LRIT3: variants seen among roughly 807,000 people sequenced by gnomAD.
LRIT3 encodes leucine-rich repeat, immunoglobulin-like domain and transmembrane domain-containing protein 3.
In LRIT3, 14 loss-of-function variants were observed where a neutral mutation model predicts 22.6. That is an observed-to-expected ratio of 0.62 (90% CI 0.41 to 0.97). LRIT3 has a LOEUF of 0.97. LRIT3 is among the 50% of genes least tolerant of loss of function. The pLI is 0.00. For missense variants in LRIT3, 783 were observed against 803.0 expected, an observed-to-expected ratio of 0.98 and a Z score of 0.30; for synonymous variants, 306 against 304.5, an observed-to-expected ratio of 1.01 and a Z score of -0.05.
intron 2 of LRIT3, among the ~76,000 whole-genome samples, chr4:109,854,681 C>T (rs753071241): frequency 2.6e-5 from 4 of 152,114 alleles, no homozygotes; most frequent in Non-Finnish European, 5.9e-5. Flanking sequence ...AGCTTTTGCC[C>T]ATTCAGTATG....
chr4:109,850,178 ATTAT>A (rs1202624747), intron 1 of LRIT3, among the ~76,000 whole-genome samples: 3 of 152,136 alleles, frequency 2.0e-5, no homozygotes, highest in Non-Finnish European at 4.4e-5. Context: ...TTTTATTGTA[ATTAT>A]TTACTAAATT....
Position 109,851,734 on chromosome 4 carries a change from C to A in LRIT3, c.347C>A (p.Ser116Tyr), listed in dbSNP as rs1277106858. ...QLHELRLDGN[S>Y]LAAFPWASLL... is the part of the protein sequence containing the mutation. The stretch of plus-strand genomic sequence containing the variant: ...CATGAGTTGCGCTTGGATGGGAATT[C>A]TCTGGCTGCTTTCCCTTGGGCATCT... Residue 116 changes from serine to tyrosine, a missense_variant, in exon 2 of 4, where the codon TCT becomes TAT. Transcript: ENST00000594814. 1.3e-6 allele frequency: 2 copies of A among 1,551,748 alleles called. No homozygotes were observed. Among genetic ancestry groups the A allele is most frequent in the Non-Finnish European group, 1.7e-6 (2 of 1,147,004 alleles).
Position 109,851,988 on chromosome 4 carries a change from A to G in LRIT3, c.589+12A>G, listed in dbSNP as rs1734285994. 2.0e-6 allele frequency: 3 copies of G among 1,525,546 alleles called. No individual in the cohort carries two copies. The South Asian group carries it at 3.8e-5, about 19-fold the overall frequency. The allele number at this position is 1,525,546 out of a possible 1,614,324, so 94.5% of individuals were successfully genotyped here. On this transcript the variant is annotated intron_variant, in intron 2 of 3. Transcript: ENST00000594814. The stretch of plus-strand genomic sequence containing the variant: ...CAGGATTATTCTTGGTAAGCTCGCA[A>G]GCCTCTGGGCTTTTCATCTATAGTT...
chr4:109,855,003 G>A (rs1170199167), intron 2 of LRIT3, among the ~76,000 whole-genome samples: 4 of 152,144 alleles, frequency 2.6e-5, no homozygotes, highest in Non-Finnish European at 5.9e-5. Context: ...TCATGTCAAT[G>A]TTCATCAGGG....
At chr4:109,853,488 A>C (rs1399391150) in intron 2 of LRIT3, among the ~76,000 whole-genome samples, 2 of 152,088 alleles carry the variant, frequency 1.3e-5, no homozygotes, top group African/African-American at 4.8e-5. Flanking sequence ...TCTGGATATT[A>C]TCCCTTTGTC....
In LRIT3 at chr4:109,869,583, T is replaced by C. The variant is rs1189286140; in HGVS notation, c.896-62T>C. Reference sequence around the variant, plus strand: ...GAGTGGATAGTTGTTTCCTCCTCAGTTGGCATGGTGGCTTGAATTTTCTTT... The same window carrying C: ...GAGTGGATAGTTGTTTCCTCCTCAGCTGGCATGGTGGCTTGAATTTTCTTT... On this transcript the variant is annotated intron_variant, in intron 3 of 3. Coordinates refer to ENST00000594814, the MANE Select transcript of LRIT3 (RefSeq NM_198506.5). The C allele has an allele frequency of 1.4e-5, 20 of 1,470,240 alleles. No homozygotes were observed. The East Asian group carries it at 3.0e-4, about 22-fold the overall frequency. 91.1% of individuals were successfully genotyped at this position (1,470,240 alleles called of 1,614,324 possible). A position where few individuals can be genotyped will look rare whatever the true frequency, so the allele number is the denominator to read the frequency against.
intron 2 of LRIT3, among the ~76,000 whole-genome samples, chr4:109,857,238 T>C (rs1213532044): frequency 6.6e-6 from 1 of 150,972 alleles, no homozygotes; most frequent in Non-Finnish European, 1.5e-5. Context: ...AGATAGTATA[T>C]ATATTTTGGG....
At position 109,871,956 on chromosome 4, in the gene LRIT3, G is replaced by A. The variant is rs144186836; in HGVS notation, c.*1167G>A. The A allele has an allele frequency of 6.6e-6, 1 of 152,066 alleles. No homozygotes were observed. The highest frequency in any genetic ancestry group is 1.5e-5 in the Non-Finnish European group (1 of 68,016). The allele number at this position is 152,066 out of a possible 1,614,324, so 9.4% of individuals were successfully genotyped here. A position where few individuals can be genotyped will look rare whatever the true frequency, so the allele number is the denominator to read the frequency against. ...CTTTAAGATTAACGATAGCGATAAG[G>A]CCCACTCAAGCATCTCACAGTGGTG... On this transcript the variant is annotated 3_prime_UTR_variant, in exon 4 of 4. Transcript: ENST00000594814.
intron 2 of LRIT3, chr4:109,865,278 G>A (rs1488759773): frequency 6.3e-7 from 1 of 1,593,326 alleles, no homozygotes; most frequent in Non-Finnish European, 8.6e-7. Flanking sequence ...TAAAGTTGGT[G>A]AGAATGTCAT....
intron 2 of LRIT3, among the ~76,000 whole-genome samples, chr4:109,857,304 C>A: frequency 7.1e-6 from 1 of 141,538 alleles, no homozygotes; most frequent in East Asian, 2.1e-4. Flanking sequence ...TGAGAGGTGG[C>A]AGGGGGACAT....
rs1014847101 is a variant in LRIT3, at chr4:109,870,668, G to A, written c.1919G>A (p.Gly640Asp). ...ETLFPRSQSV[G>D]ELWTRSHRDD... ...CTGTTTCCCAGGTCTCAAAGTGTAG[G>A]TGAGCTCTGGACACGAAGCCACAGG... Residue 640 changes from glycine to aspartate, a missense_variant, in exon 4 of 4, where the codon GGT (glycine) becomes GAT (aspartate). By Grantham distance (94) the Gly-to-Asp change is moderately conservative. This residue lies in a region of LRIT3 where 756 missense variants were observed against 753.8 expected (regional missense o/e 1.00). Coordinates refer to ENST00000594814, the MANE Select transcript of LRIT3 (RefSeq NM_198506.5). 12 of 1,613,976 alleles carry A rather than the reference G, an allele frequency of 7.4e-6. No individual in the cohort carries two copies. The highest frequency in any genetic ancestry group is 8.5e-6 in the Non-Finnish European group (10 of 1,180,002).
At chr4:109,865,484 T>A (rs940441345) in intron 2 of LRIT3, among the ~76,000 whole-genome samples, 5 of 152,224 alleles carry the variant, frequency 3.3e-5, no homozygotes, top group South Asian at 4.1e-4. Flanking sequence ...CCATTACTTA[T>A]GTACTTGTTT....
intron 2 of LRIT3, among the ~76,000 whole-genome samples, chr4:109,863,793 C>A (rs1338656981): frequency 6.6e-6 from 1 of 152,122 alleles, no homozygotes; most frequent in Admixed American, 6.6e-5. Flanking sequence ...AGAATGTGGA[C>A]CTCTCAGTGC....
Position 109,851,959 on chromosome 4 carries a change from C to T in LRIT3, c.572C>T (p.Pro191Leu). 6.5e-7 allele frequency: 1 copy of T among 1,546,980 alleles called. No individual in the cohort carries two copies. The highest frequency in any genetic ancestry group is 1.2e-5 in the South Asian group (1 of 83,194). ...CCTTCTGGAGTCCTGGACCTTTCCC[C>T]AAGCAGGATTATTCTTGGTAAGCTC... ...STPSGVLDLS[P>L]SRIILGLQDN... Residue 191 changes from proline (P) to leucine (L), a missense_variant, in exon 2 of 4, where the codon CCA (proline) becomes CTA (leucine). Transcript: ENST00000594814.
chr4:109,848,785 G>C (rs929370231), intron 1 of LRIT3, among the ~76,000 whole-genome samples: 1 of 152,160 alleles, frequency 6.6e-6, no homozygotes, highest in Non-Finnish European at 1.5e-5. Context: ...AGTGAAGTTA[G>C]AGAGGTTAAT....
At chr4:109,866,048 A>C (rs569044796) in intron 2 of LRIT3, among the ~76,000 whole-genome samples, 1 of 152,360 alleles carries the variant, frequency 6.6e-6, no homozygotes, top group South Asian at 2.1e-4. Context: ...GAAGAAAAGC[A>C]TACTTCTAAA....
chr4:109,865,129 C>T (rs550665516), intron 2 of LRIT3: 25 of 1,451,870 alleles, frequency 1.7e-5, no homozygotes, highest in East Asian at 1.3e-4. Context: ...GCTGATAGAA[C>T]GTTACGGCTG....
rs1734800652 is a variant in LRIT3 at position 109,870,359 on chromosome 4, A to G, written c.1610A>G (p.Asn537Ser). Residue 537 changes from asparagine (N) to serine (S), a missense_variant, in exon 4 of 4, where the codon AAC (asparagine) becomes AGC (serine). By Grantham distance (46) the Asn-to-Ser change is conservative (BLOSUM62 1). This residue lies in a region of LRIT3 where 756 missense variants were observed against 753.8 expected (regional missense o/e 1.00). Transcript: ENST00000594814. ...LLLLNADSSK[N>S]QVTIDGLEPG... is the part of the protein sequence containing the mutation. ...CTGTTGAATGCAGACTCCAGCAAGA[A>G]CCAAGTAACCATAGATGGCTTGGAA... 6.2e-7 allele frequency: 1 copy of G among 1,614,192 alleles called. No individual in the cohort carries two copies. Among genetic ancestry groups the G allele is most frequent in the South Asian group, 1.1e-5 (1 of 91,078 alleles).
intron 2 of LRIT3, among the ~76,000 whole-genome samples, chr4:109,854,674 T>C (rs2125898052): frequency 6.6e-6 from 1 of 152,330 alleles, no homozygotes; most frequent in East Asian, 1.9e-4. Flanking sequence ...TGCTTCCAGC[T>C]TTTGCCCATT....
Sources: allele counts gnomAD v4.1 joint callset (sites outside exome capture counted in the v4.1 genomes callset), GRCh38; gene constraint gnomAD v4.1.1; regional missense constraint gnomAD v4.1.1; transcripts MANE v1.5; gene names NCBI Gene and HGNC (gene_info 2026-07-23, HGNC 2026-07-21).